COL4A2: variants seen among roughly 807,000 people sequenced by gnomAD.
COL4A2 encodes the protein collagen type IV alpha 2 chain.
In COL4A2, 99 loss-of-function variants were observed where a neutral mutation model predicts 200.2. That is an observed-to-expected ratio of 0.49 (90% confidence interval 0.42 to 0.58). COL4A2 has a LOEUF of 0.58. Ranked by LOEUF, COL4A2 falls within the 20% of genes least tolerant of loss-of-function variation. The pLI, the probability that COL4A2 is intolerant of heterozygous loss-of-function variation, is 0.00. For missense variants in COL4A2, 1,950 were observed against 2,314.1 expected, an observed-to-expected ratio of 0.84 and a Z score of 3.23; for synonymous variants, 897 against 900.6, an observed-to-expected ratio of 1.00 and a Z score of 0.07.
At chr13:110,408,402 C>G (rs1340220038) in intron 4 of COL4A2, among the ~76,000 whole-genome samples, 1 of 152,180 alleles carries the variant, frequency 6.6e-6, no homozygotes, top group Non-Finnish European at 1.5e-5. Context: ...AAATTTCCTC[C>G]ATGACCATGC....
chr13:110,391,337 G>T (rs1205844951), intron 4 of COL4A2, among the ~76,000 whole-genome samples: 2 of 152,222 alleles, frequency 1.3e-5, no homozygotes, highest in Non-Finnish European at 1.5e-5. Context: ...AAGCAAAATG[G>T]TGACTATCAG....
chr13:110,503,185 G>T lies in COL4A2; in HGVS notation c.3942G>T (p.Gly1314=). 6.2e-7 allele frequency: 1 copy of T among 1,614,058 alleles called. No homozygotes were observed. Among genetic ancestry groups the T allele is most frequent in the Non-Finnish European group, 8.5e-7 (1 of 1,180,014 alleles). ...TTCCTGGAAGCAAAGGTGACACAGG[G>T]AACCCAGGAGCTCCAGGAACCCCAG... ...AALPGSKGDT[G]NPGAPGTPGT... The change falls in exon 42 of 48, where the codon GGG becomes GGT. Residue 1314 remains glycine, a synonymous_variant. Transcript: ENST00000360467.
chr13:110,391,573 A>T (rs1878981564), intron 4 of COL4A2, among the ~76,000 whole-genome samples: 2 of 152,260 alleles, frequency 1.3e-5, no homozygotes, highest in South Asian at 4.1e-4. Context: ...GCACAGATTC[A>T]GAGCCCGGCA....
chr13:110,398,660 T>A (rs1035310432), intron 4 of COL4A2, among the ~76,000 whole-genome samples: 2 of 151,374 alleles, frequency 1.3e-5, no homozygotes, highest in African/African-American at 4.9e-5. Flanking sequence ...GTCACTGCCC[T>A]CCAGTCTAGG....
At chr13:110,360,901 T>A (rs1238983169) in intron 4 of COL4A2, among the ~76,000 whole-genome samples, 1 of 150,972 alleles carries the variant, frequency 6.6e-6, no homozygotes, top group East Asian at 1.9e-4. Flanking sequence ...CTTGACACTG[T>A]CATTTCACCT....
At chr13:110,341,060 G>C (rs1322208402) in intron 3 of COL4A2, 1 of 152,426 alleles carries the variant, frequency 6.6e-6, no homozygotes, top group Non-Finnish European at 1.5e-5. Context: ...GTGGGGAGGG[G>C]TGTGCTGGGG....
chr13:110,351,239 G>GTT (rs2139381232), intron 3 of COL4A2, among the ~76,000 whole-genome samples: 1 of 151,836 alleles, frequency 6.6e-6, no homozygotes, highest in Admixed American at 6.6e-5. Flanking sequence ...TTGTTTGTTT[G>GTT]TTTGTTCGTT....
intron 4 of COL4A2, among the ~76,000 whole-genome samples, chr13:110,387,840 C>T (rs145095934): frequency 0.01 from 1,556 of 152,326 alleles, 11 homozygotes; most frequent in Non-Finnish European, 0.017. Context: ...TCGGCCTCCA[C>T]CTCTGCGGAG....
rs183106451 is a variant in COL4A2 at position 110,398,641 on chromosome 13, C to T, written c.181-26093C>T. Reference sequence around the variant, plus strand: ...CCAGGAGGTGGAGGTTGCAGTGAGCCGAGACCGTGTCACTGCCCTCCAGTC... The same window carrying T: ...CCAGGAGGTGGAGGTTGCAGTGAGCTGAGACCGTGTCACTGCCCTCCAGTC... On this transcript the variant is annotated intron_variant, in intron 4 of 47. Transcript: ENST00000360467. Among the ~76,000 whole-genome samples, 28 of 151,844 alleles carry T rather than the reference C, an allele frequency of 1.8e-4. No individual in the cohort carries two copies. The South Asian group carries it at 3.1e-3, about 17-fold the overall frequency.
Position 110,485,692 on chromosome 13 carries a change from A to C in COL4A2, c.3063A>C (p.Gly1021=). Residue 1021 remains glycine (G), a synonymous_variant, in exon 34 of 48, where the codon GGA becomes GGC. Transcript: ENST00000360467. The part of the protein sequence containing the change: ...QGMPGIPGLS[G]IPGLPGRPGH... The stretch of plus-strand genomic sequence containing the variant: ...TGCCAGGCATCCCAGGGCTGTCAGG[A>C]ATCCCTGGGCTGCCTGGGAGGCCCG... The C allele has an allele frequency of 6.2e-7, 1 of 1,612,304 alleles. No homozygotes were observed. Among genetic ancestry groups the C allele is most frequent in the Non-Finnish European group, 8.5e-7 (1 of 1,179,068 alleles).
chr13:110,364,408 A>G (rs1877653280), intron 4 of COL4A2, among the ~76,000 whole-genome samples: 1 of 152,218 alleles, frequency 6.6e-6, no homozygotes. Context: ...CAATGGTGTT[A>G]TAGTGGTTCT....
chr13:110,340,130 A>G (rs1278208238), intron 3 of COL4A2, among the ~76,000 whole-genome samples: 6 of 152,078 alleles, frequency 3.9e-5, no homozygotes, highest in Non-Finnish European at 8.8e-5. Context: ...CTAAGAGGAC[A>G]ATTTTTTTTT....
At chr13:110,399,888 T>TA (rs1471467879) in intron 4 of COL4A2, among the ~76,000 whole-genome samples, 1 of 152,206 alleles carries the variant, frequency 6.6e-6, no homozygotes, top group East Asian at 1.9e-4. Flanking sequence ...TGAAGCTTGA[T>TA]AATTGCAGAA....
At chr13:110,394,207 T>C (rs1305359221) in intron 4 of COL4A2, among the ~76,000 whole-genome samples, 1 of 152,176 alleles carries the variant, frequency 6.6e-6, no homozygotes, top group African/African-American at 2.4e-5. Flanking sequence ...GAGAAAACAT[T>C]GATGTAGTGC....
intron 4 of COL4A2, among the ~76,000 whole-genome samples, chr13:110,415,755 C>T (rs1383940914): frequency 1.3e-5 from 2 of 152,246 alleles, no homozygotes; most frequent in East Asian, 3.9e-4. Flanking sequence ...TTGCTCAACT[C>T]ACCGGGAGCC....
At chr13:110,398,623 G>A (rs1169852735) in intron 4 of COL4A2, among the ~76,000 whole-genome samples, 1 of 152,188 alleles carries the variant, frequency 6.6e-6, no homozygotes, top group Non-Finnish European at 1.5e-5. Flanking sequence ...AACCCAGGAG[G>A]TGGAGGTTGC....
At chr13:110,498,530 C>A (rs1326925933) in intron 40 of COL4A2, among the ~76,000 whole-genome samples, 2 of 152,144 alleles carry the variant, frequency 1.3e-5, no homozygotes, top group Non-Finnish European at 2.9e-5. Flanking sequence ...GCATTGTTAA[C>A]GTTTGATTCA....
intron 12 of COL4A2, among the ~76,000 whole-genome samples, chr13:110,434,849 AG>A (rs1880813528): frequency 1.3e-5 from 2 of 152,230 alleles, no homozygotes; most frequent in African/African-American, 4.8e-5. Context: ...CAGCCCTGGT[AG>A]GGCACAAAGG....
chr13:110,338,314 T>G (rs986154727), intron 3 of COL4A2, among the ~76,000 whole-genome samples: 1 of 149,606 alleles, frequency 6.7e-6, no homozygotes, highest in Non-Finnish European at 1.5e-5. Context: ...AGAGCAAAAA[T>G]GCAATGGAAA....
Sources: gnomAD v4.1 joint callset for allele counts (sites outside exome capture counted in the v4.1 genomes callset) on GRCh38, gnomAD v4.1.1 for gene constraint, MANE v1.5 for transcripts, NCBI Gene and HGNC (gene_info 2026-07-23, HGNC 2026-07-21) for gene names.